The following PRICKLE2 variants were observed in gnomAD, a reference collection of about 807,000 sequenced individuals.
PRICKLE2 encodes prickle-like protein 2.
Under a neutral mutation model 81.4 loss-of-function variants are expected in PRICKLE2, and 21 were observed. That is an observed-to-expected ratio of 0.26 (90% CI 0.18 to 0.37). The LOEUF is 0.37. Ranked by LOEUF, PRICKLE2 falls within the 10% of genes least tolerant of loss-of-function variation. PRICKLE2 has a pLI of 1.00. For synonymous variants in PRICKLE2, 456 were observed against 421.5 expected, an observed-to-expected ratio of 1.08 and a Z score of -1.00; for missense variants, 940 against 1,109.0, an observed-to-expected ratio of 0.85 and a Z score of 2.16.
chr3:64,222,842 C>T (rs1185965673), intron 1 of PRICKLE2, among the ~76,000 whole-genome samples: 1 of 152,230 alleles, frequency 6.6e-6, no homozygotes, highest in Non-Finnish European at 1.5e-5. Context: ...TCTAGAAATG[C>T]ATTGATTCCA....
chr3:64,186,077 G>C (rs1042075583), intron 2 of PRICKLE2, among the ~76,000 whole-genome samples: 2 of 152,096 alleles, frequency 1.3e-5, no homozygotes, highest in Non-Finnish European at 2.9e-5. Flanking sequence ...ATGATTCTCA[G>C]ACTCTGATTC....
chr3:64,255,479 C>G (rs537665141), intron 2 of PRICKLE2, among the ~76,000 whole-genome samples: 1 of 152,238 alleles, frequency 6.6e-6, no homozygotes, highest in Non-Finnish European at 1.5e-5. Flanking sequence ...CAAGACCACA[C>G]CTCATTCCTA....
chr3:64,138,154 C>A (rs1279026464), intron 7 of PRICKLE2, among the ~76,000 whole-genome samples: 2 of 152,150 alleles, frequency 1.3e-5, no homozygotes, highest in Non-Finnish European at 2.9e-5. Flanking sequence ...GTTTTACCTC[C>A]TTGCAGCTTA....
intron 2 of PRICKLE2, among the ~76,000 whole-genome samples, chr3:64,180,958 A>C (rs1351660024): frequency 6.6e-6 from 1 of 152,214 alleles, no homozygotes; most frequent in South Asian, 2.1e-4. Flanking sequence ...AAGTCCTTTC[A>C]TAAGCAACTT....
chr3:64,224,733 T>C (rs1417091199), intron 1 of PRICKLE2, among the ~76,000 whole-genome samples, 177 bp downstream of exon 1: 1 of 152,094 alleles, frequency 6.6e-6, no homozygotes, highest in Non-Finnish European at 1.5e-5. Flanking sequence ...AATCGAGCTT[T>C]CTAATCAGCA....
chr3:64,223,412 T>A (rs1188483315), intron 1 of PRICKLE2, among the ~76,000 whole-genome samples: 1 of 152,190 alleles, frequency 6.6e-6, no homozygotes, highest in South Asian at 2.1e-4. Flanking sequence ...TGGATAAATA[T>A]CATCTCATAC....
At chr3:64,249,318 G>T (rs926825349) in intron 2 of PRICKLE2, among the ~76,000 whole-genome samples, 1 of 152,114 alleles carries the variant, frequency 6.6e-6, no homozygotes, top group East Asian at 1.9e-4. Flanking sequence ...ATCACAAGAA[G>T]AGCAAGGGGG....
intron 1 of PRICKLE2, among the ~76,000 whole-genome samples, chr3:64,221,392 A>G (rs1216245472): frequency 6.6e-6 from 1 of 150,594 alleles, no homozygotes; most frequent in African/African-American, 2.4e-5. Flanking sequence ...TCAATCCCCA[A>G]AAGAGATCTT....
chr3:64,236,233 G>A (rs1289438040), intron 2 of PRICKLE2, among the ~76,000 whole-genome samples: 2 of 152,114 alleles, frequency 1.3e-5, no homozygotes, highest in Non-Finnish European at 2.9e-5. Context: ...ACTTGTTTAT[G>A]CTGCTTTATG....
intron 7 of PRICKLE2, among the ~76,000 whole-genome samples, chr3:64,138,485 C>G (rs887084502): frequency 1.3e-5 from 2 of 152,192 alleles, no homozygotes; most frequent in East Asian, 3.8e-4. Context: ...TCCTGGCTAT[C>G]CCAGGGAAGA....
In PRICKLE2 at chr3:64,183,572, T is replaced by C. The variant is rs550163379; in HGVS notation, c.144+15212A>G. Reference sequence around the variant, plus strand: ...TTACAGAGAAAGATTTTAAGTTGCCTTCATTCGGCATTGATAGACCAAAAA... The same window carrying C: ...TTACAGAGAAAGATTTTAAGTTGCCCTCATTCGGCATTGATAGACCAAAAA... On this transcript the variant is annotated intron_variant, in intron 2 of 7. Coordinates refer to ENST00000638394, the MANE Select transcript of PRICKLE2 (RefSeq NM_198859.4). 1.4e-4 allele frequency among the ~76,000 whole-genome samples: 22 copies of C among 152,288 alleles called. 1 individual carries two copies. The South Asian group carries it at 4.1e-3, about 29-fold the overall frequency.
intron 3 of PRICKLE2, among the ~76,000 whole-genome samples, chr3:64,161,331 T>G (rs1334586255): frequency 6.6e-6 from 1 of 152,184 alleles, no homozygotes; most frequent in African/African-American, 2.4e-5. Flanking sequence ...CCTGTTATAC[T>G]TTGGAGTAAT....
upstream of PRICKLE2, among the ~76,000 whole-genome samples, chr3:64,229,005 G>T (rs142482676): frequency 2.5e-4 from 38 of 152,250 alleles, no homozygotes; most frequent in Middle Eastern, 3.4e-3. Context: ...TATAGTGGGG[G>T]AAGGCCTTAC....
At chr3:64,146,526 G>A (rs182060114) in intron 7 of PRICKLE2, 158 of 330,002 alleles carry the variant, frequency 4.8e-4, no homozygotes, top group African/African-American at 2.2e-3. Context: ...GGTGGATCAC[G>A]AGGTCAGGAG....
chr3:64,139,405 G>A (rs994150382), intron 7 of PRICKLE2, among the ~76,000 whole-genome samples: 2 of 152,146 alleles, frequency 1.3e-5, no homozygotes, highest in Admixed American at 6.5e-5. Flanking sequence ...CTCCCCTTGG[G>A]ACACTGTAAA....
chr3:64,109,681 G>A (rs1559512918), intron 7 of PRICKLE2, among the ~76,000 whole-genome samples: 1 of 152,212 alleles, frequency 6.6e-6, no homozygotes, highest in Non-Finnish European at 1.5e-5. Flanking sequence ...GGCATGGGCT[G>A]TTTAGGCCCA....
At chr3:64,111,301 T>C (rs995153821) in intron 7 of PRICKLE2, among the ~76,000 whole-genome samples, 10 of 152,254 alleles carry the variant, frequency 6.6e-5, no homozygotes, top group African/African-American at 2.4e-4. Context: ...TAAAGCACTT[T>C]TACGCATGTT....
chr3:64,172,769 G>A (rs1200722208), intron 2 of PRICKLE2, among the ~76,000 whole-genome samples: 3 of 152,150 alleles, frequency 2.0e-5, no homozygotes, highest in Admixed American at 6.5e-5. Flanking sequence ...GGGCCTTTAA[G>A]GAGGTAATTA....
chr3:64,149,773 A>C (rs1248392822), intron 6 of PRICKLE2, among the ~76,000 whole-genome samples: 1 of 152,176 alleles, frequency 6.6e-6, no homozygotes, highest in Non-Finnish European at 1.5e-5. Context: ...TTTTGTGTCA[A>C]TGGAGCCCAG....
Sources: allele counts gnomAD v4.1 joint callset (sites outside exome capture counted in the v4.1 genomes callset), GRCh38; gene constraint gnomAD v4.1.1; transcripts MANE v1.5; gene names NCBI Gene and HGNC (gene_info 2026-07-23, HGNC 2026-07-21).